The following PCDHGA5 variants were observed in gnomAD, a reference collection of about 807,000 sequenced individuals.
PCDHGA5 encodes protocadherin gamma subfamily A, 5, also known as protocadherin gamma-A5.
PCDHGA5 carries 36 observed loss-of-function variants against 56.7 expected under a neutral mutation model. That is an observed-to-expected ratio of 0.64 (90% CI 0.49 to 0.84). The LOEUF is 0.84. Among genes scored for constraint, PCDHGA5 ranks in the 40% least tolerant of loss-of-function variants. PCDHGA5 has a pLI of 0.00. For synonymous variants in PCDHGA5, 563 were observed against 520.2 expected (o/e 1.08, Z -1.12); for missense variants, 1,305 against 1,201.5 (o/e 1.09, Z -1.27).
intron 1 of PCDHGA5, chr5:141,404,332 C>T (rs1257075931): frequency 6.2e-7 from 1 of 1,613,916 alleles, no homozygotes; most frequent in East Asian, 2.2e-5. Context: ...ACTCAGTCTA[C>T]CTCCCGGAAA....
At chr5:141,496,581 C>T (rs868326584) in intron 2 of PCDHGA5, among the ~76,000 whole-genome samples, 9 of 152,134 alleles carry the variant, frequency 5.9e-5, no homozygotes, top group African/African-American at 1.9e-4. Flanking sequence ...ATTTTAGGAA[C>T]GCAAAGCGCT....
At position 141,364,431 on chromosome 5, in the gene PCDHGA5, C is replaced by T; in HGVS notation, c.101C>T (p.Ser34Leu). Residue 34 changes from serine to leucine, a missense_variant, in exon 1 of 4, where the codon TCG (serine) becomes TTG (leucine). Physicochemically the swap from Ser to Leu is moderately radical, Grantham distance 145. Coordinates refer to ENST00000518069, the MANE Select transcript of PCDHGA5 (RefSeq NM_018918.3). Reference protein sequence around the residue: ...CEPGSGQIRYSMPEELDKGSF... With the variant: ...CEPGSGQIRYLMPEELDKGSF... ...CCAGGATCCGGGCAGATCCGCTACT[C>T]GATGCCGGAGGAGCTGGACAAAGGC... 2.5e-6 allele frequency: 4 copies of T among 1,613,754 alleles called. No individual in the cohort carries two copies. The South Asian group carries it at 3.3e-5, about 13-fold the overall frequency.
Position 141,365,999 on chromosome 5 carries a change from G to A in PCDHGA5, c.1669G>A (p.Asp557Asn). Residue 557 changes from aspartate (D) to asparagine (N), a missense_variant, in exon 1 of 4, where the codon GAC becomes AAC. Physicochemically the swap from Asp to Asn is conservative, Grantham distance 23. Transcript: ENST00000518069. ...GAGCCTGTTTGTGCTGGACCAGAAC[G>A]ACAATACGCCTGAGATCCTGTACCC... The part of the protein sequence containing the change: ...SLSLFVLDQN[D>N]NTPEILYPAL... The A allele has an allele frequency of 1.9e-6, 3 of 1,614,212 alleles. No homozygotes were observed. Among genetic ancestry groups the A allele is most frequent in the South Asian group, 1.1e-5 (1 of 91,088 alleles).
rs756971733 is a variant in PCDHGA5 at position 141,375,686 on chromosome 5, A to G, written c.2421+8935A>G. On this transcript the variant is annotated intron_variant, in intron 1 of 3. Coordinates refer to ENST00000518069, the MANE Select transcript of PCDHGA5 (RefSeq NM_018918.3). Reference sequence around the variant, plus strand: ...AGACCTACAGCTGTGGGTGACAGCCAGCGACAGCGGGGACCCGCCTCTTAG... The same window carrying G: ...AGACCTACAGCTGTGGGTGACAGCCGGCGACAGCGGGGACCCGCCTCTTAG... 1.9e-6 allele frequency: 3 copies of G among 1,614,122 alleles called. No individual in the cohort carries two copies. Among genetic ancestry groups the G allele is most frequent in the East Asian group, 2.2e-5 (1 of 44,894 alleles).
intron 1 of PCDHGA5, among the ~76,000 whole-genome samples, chr5:141,465,300 G>A (rs904996219): frequency 1.3e-5 from 2 of 152,112 alleles, no homozygotes; most frequent in Non-Finnish European, 2.9e-5. Flanking sequence ...TGAGAGTCCT[G>A]GGAATTTAGC....
At chr5:141,407,622 A>G (rs2094961891) in intron 1 of PCDHGA5, among the ~76,000 whole-genome samples, 3 of 152,316 alleles carry the variant, frequency 2.0e-5, no homozygotes, top group South Asian at 2.1e-4. Context: ...TTGACATTCT[A>G]TATCTCGTAT....
chr5:141,426,488 T>G, intron 1 of PCDHGA5: 1 of 328,024 alleles, frequency 3.0e-6, no homozygotes, highest in Non-Finnish European at 6.1e-6. Context: ...AACCTTAGAG[T>G]TAGTGCAGAG....
At chr5:141,508,151 C>T (rs1306467936) in intron 3 of PCDHGA5, 1 of 152,548 alleles carries the variant, frequency 6.6e-6, no homozygotes, top group Admixed American at 6.5e-5. Flanking sequence ...GGCTGAGTTT[C>T]CCTGAGTAGA....
At position 141,491,823 on chromosome 5, in the gene PCDHGA5, C is replaced by G; in HGVS notation, c.2422-2984C>G. Reference sequence around the variant, plus strand: ...GCCGGCTTGGTCGCTGGCTGCGCTCCACCCGATTCTCGGGATCATTGGACC... The same window carrying G: ...GCCGGCTTGGTCGCTGGCTGCGCTCGACCCGATTCTCGGGATCATTGGACC... On this transcript the variant is annotated intron_variant, in intron 1 of 3. Transcript: ENST00000518069. The surrounding 1 kb of genome is among the most constrained non-coding windows in gnomAD (Gnocchi z 6.9). The G allele has an allele frequency of 6.8e-7, 1 of 1,479,156 alleles. No individual in the cohort carries two copies. Among genetic ancestry groups the G allele is most frequent in the Non-Finnish European group, 9.0e-7 (1 of 1,115,292 alleles). 91.6% of individuals were successfully genotyped at this position (1,479,156 alleles called of 1,614,324 possible). A position where few individuals can be genotyped will look rare whatever the true frequency, so the allele number is the denominator to read the frequency against.
In PCDHGA5 at chr5:141,485,870, C is replaced by A. The variant is rs745737454; in HGVS notation, c.2422-8937C>A. On this transcript the variant is annotated intron_variant, in intron 1 of 3. Coordinates refer to ENST00000518069, the MANE Select transcript of PCDHGA5 (RefSeq NM_018918.3). The surrounding 1 kb of genome is among the most constrained non-coding windows in gnomAD (Gnocchi z 5.7). ...CACCGCAGAGCTCCGGGTATCCGTGCTGGACGTAAACGACAACGCCCCAGC... is the reference window on the plus strand; with the variant it reads ...CACCGCAGAGCTCCGGGTATCCGTGATGGACGTAAACGACAACGCCCCAGC... 1 of 1,614,174 alleles carries A rather than the reference C, an allele frequency of 6.2e-7. No homozygotes were observed. Among genetic ancestry groups the A allele is most frequent in the Non-Finnish European group, 8.5e-7 (1 of 1,180,032 alleles).
In PCDHGA5 at chr5:141,404,943, TAGCTGAC is replaced by T. The variant is rs770372146; in HGVS notation, c.2421+38196_2421+38202del. On this transcript the variant is annotated intron_variant, in intron 1 of 3. Transcript: ENST00000518069. ...GCCACTGTCACGCTCACAGTAGCCA[TAGCTGAC>T]AGCATCCCAGACATCCTGGCTGACC... 24 of 1,613,914 alleles carry T rather than the reference TAGCTGAC, an allele frequency of 1.5e-5. No individual in the cohort carries two copies. In the East Asian group the frequency reaches 4.0e-4, roughly 27 times the overall value.
Position 141,489,732 on chromosome 5 carries a change from C to T in PCDHGA5, c.2422-5075C>T, listed in dbSNP as rs1562132763. On this transcript the variant is annotated intron_variant, in intron 1 of 3. Coordinates refer to ENST00000518069, the MANE Select transcript of PCDHGA5 (RefSeq NM_018918.3). This position sits in a 1 kb window ranked among gnomAD's most constrained non-coding sequence, Gnocchi z 4.5. ...GTGCCCAGGATCCGGATGTGGGCAC[C>T]AATACTGTGAGCTTTTACACTCTAA... 3.1e-6 allele frequency: 5 copies of T among 1,614,126 alleles called. No individual in the cohort carries two copies. The highest frequency in any genetic ancestry group is 1.1e-5 in the South Asian group (1 of 91,074).
chr5:141,421,640 A>T (rs367946949), intron 1 of PCDHGA5: 1 of 1,613,716 alleles, frequency 6.2e-7, no homozygotes, highest in Non-Finnish European at 8.5e-7. Context: ...CAGGAGGACG[A>T]AGTGGAGATA....
At chr5:141,393,825 G>A (rs2092852640) in intron 1 of PCDHGA5, 10 of 1,613,964 alleles carry the variant, frequency 6.2e-6, no homozygotes, top group Non-Finnish European at 8.5e-6. Context: ...CATTTCGGTG[G>A]AAGATGTAAA....
chr5:141,500,467 C>T lies in PCDHGA5; in HGVS notation c.2481-4926C>T, dbSNP rs368360639. 6.6e-5 allele frequency among the ~76,000 whole-genome samples: 10 copies of T among 152,262 alleles called. No homozygotes were observed. In the South Asian group the frequency reaches 2.1e-3, roughly 32 times the overall value. ...CTCGTGATCCGCCCGCCTCGGCCTC[C>T]CAAAGTGCTGGGATTACAGGCGTGA... is the stretch of plus-strand genomic sequence containing the variant. On this transcript the variant is annotated intron_variant, in intron 2 of 3. Coordinates refer to ENST00000518069, the MANE Select transcript of PCDHGA5 (RefSeq NM_018918.3).
In PCDHGA5 at chr5:141,419,702, G is replaced by A. The variant is rs116279995; in HGVS notation, c.2421+52951G>A. 1.9e-3 allele frequency: 3,028 copies of A among 1,612,950 alleles called. 48 individuals are homozygous for A. In the African/African-American group the frequency reaches 0.033, roughly 18 times the overall value. The stretch of plus-strand genomic sequence containing the variant: ...CCACGTGGTGCAGGCCAGTGAGCCC[G>A]GGCTCTTCAGCCTGGGGCTGCGAAC... On this transcript the variant is annotated intron_variant, in intron 1 of 3. Transcript: ENST00000518069.
chr5:141,385,418 A>T (rs1317845643), intron 1 of PCDHGA5: 10 of 1,466,496 alleles, frequency 6.8e-6, no homozygotes, highest in Non-Finnish European at 8.1e-6. Context: ...ATAGGGATTT[A>T]AAAAACTTTA....
intron 1 of PCDHGA5, chr5:141,422,603 C>G: frequency 6.2e-7 from 1 of 1,614,078 alleles, no homozygotes; most frequent in Non-Finnish European, 8.5e-7. Context: ...TCCTCTTACT[C>G]TGCCTACATT....
chr5:141,384,995 C>T (rs1485778293), intron 1 of PCDHGA5: 2 of 1,614,034 alleles, frequency 1.2e-6, no homozygotes, highest in African/African-American at 1.3e-5. Context: ...GCGGTGGCCA[C>T]AGTCTCCTGC....
Sources: gnomAD v4.1 joint callset for allele counts (sites outside exome capture counted in the v4.1 genomes callset) on GRCh38, gnomAD v4.1.1 for gene constraint, Gnocchi (gnomAD v3.1) non-coding constraint, MANE v1.5 for transcripts, NCBI Gene and HGNC (gene_info 2026-07-23, HGNC 2026-07-21) for gene names.